The following ARHGEF7 variants were observed in gnomAD, a reference collection of about 807,000 sequenced individuals.
ARHGEF7 encodes the protein PAK-interacting exchange factor beta.
ARHGEF7 carries 33 observed loss-of-function variants against 109.8 expected under a neutral mutation model. The ratio of observed to expected loss-of-function variants is 0.30; its 90% CI spans 0.23 to 0.40. The LOEUF is 0.40. Ranked by LOEUF, ARHGEF7 falls within the 10% of genes least tolerant of loss-of-function variation. The pLI is 1.00. For missense variants in ARHGEF7, 938 were observed against 1,098.5 expected (o/e 0.85, Z 2.07); for synonymous variants, 458 against 424.6 (o/e 1.08, Z -0.97).
At position 111,241,068 on chromosome 13, in the gene ARHGEF7, G is replaced by A. The variant is rs2087689202; in HGVS notation, c.760-2804G>A. The A allele has an allele frequency of 4.3e-6, 6 of 1,393,938 alleles. No individual in the cohort carries two copies. In the Admixed American group the frequency reaches 1.3e-4, roughly 29 times the overall value. The allele number at this position is 1,393,938 out of a possible 1,614,324, so 86.3% of individuals were successfully genotyped here. A position where few individuals can be genotyped will look rare whatever the true frequency, so the allele number is the denominator to read the frequency against. The stretch of plus-strand genomic sequence containing the variant: ...CTTTGTTTTGCTGTGCTCTGAGGCG[G>A]GCAGCATAGGGATTGAGTGGCACCA... On this transcript the variant is annotated intron_variant, in intron 6 of 21. Transcript: ENST00000646102.
intron 18 of ARHGEF7, among the ~76,000 whole-genome samples, chr13:111,291,204 AG>A (rs2093267295): frequency 6.6e-6 from 1 of 152,232 alleles, no homozygotes; most frequent in African/African-American, 2.4e-5. Context: ...CTCTGCATGG[AG>A]GGAGACCCTG....
At chr13:111,169,559 C>G (rs1208520046) in intron 2 of ARHGEF7, among the ~76,000 whole-genome samples, 1 of 152,182 alleles carries the variant, frequency 6.6e-6, no homozygotes. Context: ...CACCTCCCAC[C>G]AGGCCCCACC....
At chr13:111,289,796 T>TG (rs1170278121) in intron 18 of ARHGEF7, among the ~76,000 whole-genome samples, 2 of 16,766 alleles carry the variant, frequency 1.2e-4, no homozygotes, top group Non-Finnish European at 2.9e-4. Flanking sequence ...CAGAAGCTTC[T>TG]TTTTTTTTAA....
intron 8 of ARHGEF7, among the ~76,000 whole-genome samples, chr13:111,262,677 T>G (rs1384588032): frequency 6.6e-6 from 1 of 152,220 alleles, no homozygotes; most frequent in African/African-American, 2.4e-5. Context: ...GGGAAACTGC[T>G]TAGCATTTGA....
intron 1 of ARHGEF7, among the ~76,000 whole-genome samples, chr13:111,141,394 T>C (rs2075341093): frequency 6.6e-6 from 1 of 151,956 alleles, no homozygotes. Flanking sequence ...TGGTTTATTA[T>C]AAGAATATTG....
chr13:111,297,017 CT>C (rs1340009971), intron 19 of ARHGEF7, among the ~76,000 whole-genome samples: 1 of 152,210 alleles, frequency 6.6e-6, no homozygotes, highest in African/African-American at 2.4e-5. Flanking sequence ...TTTTTCCATT[CT>C]AGGTAACTCA....
chr13:111,216,522 G>A (rs980971187), intron 4 of ARHGEF7, among the ~76,000 whole-genome samples: 3 of 151,136 alleles, frequency 2.0e-5, no homozygotes, highest in Non-Finnish European at 3.0e-5. Context: ...TGCTGATGTC[G>A]CTGGTGGGGA....
chr13:111,268,545 C>A (rs988506392), intron 9 of ARHGEF7, among the ~76,000 whole-genome samples: 4 of 152,160 alleles, frequency 2.6e-5, no homozygotes, highest in Non-Finnish European at 5.9e-5. Context: ...CACTGAAAGC[C>A]TCGTCAGTGA....
chr13:111,274,565 A>G (rs1595429594), intron 10 of ARHGEF7, among the ~76,000 whole-genome samples, 166 bp from the exon 11 acceptor site: 1 of 152,182 alleles, frequency 6.6e-6, no homozygotes, highest in East Asian at 1.9e-4. Flanking sequence ...CCCAAAGTCT[A>G]ATGGCTTCGT....
chr13:111,301,470 T>C lies in ARHGEF7; in HGVS notation c.2412-8T>C. On this transcript the variant is annotated splice_region_variant and splice_polypyrimidine_tract_variant and intron_variant, in intron 20 of 21. Transcript: ENST00000646102. ...GTTCATGTGTGTGTGTTCTGTTTCCTGTTTCAGGAGTCTTGTGGATACCGT... is the reference window on the plus strand; with the variant it reads ...GTTCATGTGTGTGTGTTCTGTTTCCCGTTTCAGGAGTCTTGTGGATACCGT... 6.2e-7 allele frequency: 1 copy of C among 1,612,720 alleles called. No individual in the cohort carries two copies. Among genetic ancestry groups the C allele is most frequent in the Non-Finnish European group, 8.5e-7 (1 of 1,178,852 alleles).
chr13:111,248,505 C>T (rs1033128196), intron 8 of ARHGEF7, among the ~76,000 whole-genome samples: 6 of 152,180 alleles, frequency 3.9e-5, no homozygotes, highest in South Asian at 2.1e-4. Flanking sequence ...CAGTTACACC[C>T]ATGTAGACCT....
intron 18 of ARHGEF7, among the ~76,000 whole-genome samples, chr13:111,290,448 C>T (rs1487818123): frequency 1.3e-5 from 2 of 152,144 alleles, no homozygotes; most frequent in Non-Finnish European, 1.5e-5. Flanking sequence ...ACAATGCAAA[C>T]ACCATGCCAT....
At chr13:111,121,743 T>C (rs1175447207) in intron 1 of ARHGEF7, among the ~76,000 whole-genome samples, 7 of 152,202 alleles carry the variant, frequency 4.6e-5, no homozygotes, top group Non-Finnish European at 1.0e-4. Context: ...CCCGGTCCTC[T>C]GCGTGCTTCA....
Position 111,221,349 on chromosome 13 carries a change from ATG to A in ARHGEF7, c.670+3471_670+3472del, listed in dbSNP as rs1491577480. Among the ~76,000 whole-genome samples, 60 of 23,926 alleles carry A rather than the reference ATG, an allele frequency of 2.5e-3. 27 individuals carry two copies. Among genetic ancestry groups the A allele is most frequent in the East Asian group, 3.2e-3 (5 of 1,580 alleles). 15.7% of individuals were successfully genotyped at this position (23,926 alleles called of 152,430 possible). A position where few individuals can be genotyped will look rare whatever the true frequency, so the allele number is the denominator to read the frequency against. On this transcript the variant is annotated intron_variant, in intron 5 of 21. Transcript: ENST00000646102. ...TATATGTCTATATATATCTATATAT[ATG>A]TCTATATATATATCTATATATATAT...
At chr13:111,279,704 C>T (rs564616742) in intron 13 of ARHGEF7, among the ~76,000 whole-genome samples, 1 of 152,338 alleles carries the variant, frequency 6.6e-6, no homozygotes, top group African/African-American at 2.4e-5. Context: ...GGTGCAGTTA[C>T]CGATTTCTTC....
At chr13:111,209,160 G>C (rs944183492) in intron 3 of ARHGEF7, 2 of 152,126 alleles carry the variant, frequency 1.3e-5, no homozygotes, top group East Asian at 3.9e-4. Context: ...TCAGAACAGC[G>C]ATTTTCCCAG....
In ARHGEF7 at chr13:111,256,811, G is replaced by A. The variant is rs535119992; in HGVS notation, c.951-10737G>A. On this transcript the variant is annotated intron_variant, in intron 8 of 21. Transcript: ENST00000646102. Reference sequence around the variant, plus strand: ...TTGTGGGTTTTCATGGTGTCTGTGCGCTAACCTAACTGGGCCCTGACTTCT... The same window carrying A: ...TTGTGGGTTTTCATGGTGTCTGTGCACTAACCTAACTGGGCCCTGACTTCT... 2.0e-5 allele frequency among the ~76,000 whole-genome samples: 3 copies of A among 152,224 alleles called. No individual in the cohort carries two copies. The South Asian group carries it at 6.2e-4, about 32-fold the overall frequency.
intron 1 of ARHGEF7, among the ~76,000 whole-genome samples, chr13:111,121,322 T>A (rs1484661554): frequency 6.6e-6 from 1 of 152,216 alleles, no homozygotes; most frequent in Non-Finnish European, 1.5e-5. Context: ...AATAACTCAC[T>A]GTAGTTTCTG....
At chr13:111,163,897 G>A (rs117212054) in intron 2 of ARHGEF7, among the ~76,000 whole-genome samples, 1 of 152,100 alleles carries the variant, frequency 6.6e-6, no homozygotes, top group Non-Finnish European at 1.5e-5. Flanking sequence ...ATTTCAACAT[G>A]TAATTGATAC....
Sources: gnomAD v4.1 joint callset for allele counts (sites outside exome capture counted in the v4.1 genomes callset) on GRCh38, gnomAD v4.1.1 for gene constraint, MANE v1.5 for transcripts, NCBI Gene and HGNC (gene_info 2026-07-23, HGNC 2026-07-21) for gene names.